Variants in ADGRL3 observed in about 807,000 individuals in gnomAD.
The protein encoded by ADGRL3 is adhesion G protein-coupled receptor L3.
Under a neutral mutation model 153.5 loss-of-function variants are expected in ADGRL3, and 62 were observed. That is an observed-to-expected ratio of 0.40 (90% CI 0.33 to 0.50). The LOEUF (loss-of-function observed/expected upper bound fraction) is 0.50. ADGRL3 is among the 20% of genes least tolerant of loss of function. The pLI is 0.47. For missense variants in ADGRL3, 1,641 were observed against 1,859.4 expected, an observed-to-expected ratio of 0.88 and a Z score of 2.16; for synonymous variants, 710 against 672.5, an observed-to-expected ratio of 1.06 and a Z score of -0.86.
chr4:61,724,235 T>C (rs2096287983), intron 6 of ADGRL3, among the ~76,000 whole-genome samples: 1 of 152,194 alleles, frequency 6.6e-6, no homozygotes, highest in East Asian at 1.9e-4. Context: ...TGTATCAACT[T>C]TAAGTATTAC....
At chr4:61,454,454 G>A (rs1425817352) in intron 2 of ADGRL3, among the ~76,000 whole-genome samples, 1 of 152,074 alleles carries the variant, frequency 6.6e-6, no homozygotes, top group Non-Finnish European at 1.5e-5. Context: ...AAAACAATGT[G>A]AATGTATGCA....
intron 6 of ADGRL3, among the ~76,000 whole-genome samples, chr4:61,686,672 G>GAAAT (rs1277118927): frequency 6.6e-6 from 1 of 151,960 alleles, no homozygotes; most frequent in Non-Finnish European, 1.5e-5. Flanking sequence ...CATCTATTCT[G>GAAAT]AAATATATAA....
At chr4:61,445,786 A>G (rs532084551) in intron 2 of ADGRL3, among the ~76,000 whole-genome samples, 2 of 152,332 alleles carry the variant, frequency 1.3e-5, no homozygotes, top group African/African-American at 4.8e-5. Flanking sequence ...ATTTCAGTCA[A>G]TGAAAGCCCT....
intron 8 of ADGRL3, among the ~76,000 whole-genome samples, chr4:61,755,995 C>A (rs561003521): frequency 1.3e-5 from 2 of 152,218 alleles, no homozygotes; most frequent in Non-Finnish European, 2.9e-5. Context: ...GTTTTGGTAC[C>A]AGTACCATGC....
intron 9 of ADGRL3, among the ~76,000 whole-genome samples, chr4:61,820,987 G>A (rs11724143): frequency 0.089 from 13,542 of 152,140 alleles, 697 homozygotes; most frequent in Middle Eastern, 0.15. Flanking sequence ...CCTAAGCAGA[G>A]GCATATATTA....
chr4:62,026,840 G>A (rs966758002), intron 21 of ADGRL3, among the ~76,000 whole-genome samples: 2 of 151,998 alleles, frequency 1.3e-5, no homozygotes, highest in Admixed American at 6.6e-5. Context: ...TGATAACTAT[G>A]TGAGATGATG....
intron 25 of ADGRL3, among the ~76,000 whole-genome samples, chr4:62,055,516 A>G (rs1176697288): frequency 1.3e-5 from 2 of 151,868 alleles, no homozygotes; most frequent in African/African-American, 4.8e-5. Flanking sequence ...ACTTTAGAAA[A>G]AAATGATGAA....
At chr4:61,873,538 A>T (rs1443565323) in intron 9 of ADGRL3, among the ~76,000 whole-genome samples, 1 of 152,230 alleles carries the variant, frequency 6.6e-6, no homozygotes, top group African/African-American at 2.4e-5. Context: ...AATTGAAAAA[A>T]GCATAATCTG....
intron 7 of ADGRL3, among the ~76,000 whole-genome samples, chr4:61,731,655 C>T (rs898310089): frequency 3.3e-5 from 5 of 152,056 alleles, no homozygotes; most frequent in Non-Finnish European, 5.9e-5. Context: ...TGGAGATTCA[C>T]GAATGTACTT....
intron 8 of ADGRL3, among the ~76,000 whole-genome samples, chr4:61,750,704 G>A (rs1580622526): frequency 1.3e-5 from 2 of 151,126 alleles, no homozygotes; most frequent in Non-Finnish European, 1.5e-5. Context: ...GCAGGAGAAT[G>A]GCGTGAACCC....
intron 9 of ADGRL3, among the ~76,000 whole-genome samples, chr4:61,843,990 C>T (rs547795239): frequency 6.7e-6 from 1 of 149,156 alleles, no homozygotes; most frequent in African/African-American, 2.5e-5. Context: ...CATTGCACTC[C>T]AGCCTGGTGA....
At chr4:61,498,312 A>T (rs1031735222) in intron 3 of ADGRL3, among the ~76,000 whole-genome samples, 83 of 152,138 alleles carry the variant, frequency 5.5e-4, no homozygotes, top group African/African-American at 1.9e-3. Flanking sequence ...GCACTTTAGG[A>T]GGCCGAGTTG....
intron 9 of ADGRL3, among the ~76,000 whole-genome samples, chr4:61,827,364 G>A (rs1275037502): frequency 6.6e-6 from 1 of 152,164 alleles, no homozygotes; most frequent in Admixed American, 6.5e-5. Context: ...ACTCAGTAGG[G>A]CTTCAGTGTG....
At chr4:62,016,461 C>A in intron 21 of ADGRL3, among the ~76,000 whole-genome samples, 1 of 152,306 alleles carries the variant, frequency 6.6e-6, no homozygotes, top group South Asian at 2.1e-4. Context: ...GTTTCCAACA[C>A]CATTTGCTAA....
chr4:61,409,655 C>G (rs1235906110), intron 2 of ADGRL3, among the ~76,000 whole-genome samples: 1 of 151,318 alleles, frequency 6.6e-6, no homozygotes, highest in Non-Finnish European at 1.5e-5. Flanking sequence ...ATTTTTCACT[C>G]TGTTTTAGCA....
At chr4:61,974,037 G>A (rs779717019) in intron 17 of ADGRL3, among the ~76,000 whole-genome samples, 24 of 151,926 alleles carry the variant, frequency 1.6e-4, no homozygotes, top group Non-Finnish European at 3.1e-4. Flanking sequence ...GCGTGGTCTC[G>A]GCTCACTGCA....
At chr4:61,761,519 A>T (rs938069259) in intron 8 of ADGRL3, among the ~76,000 whole-genome samples, 2 of 152,316 alleles carry the variant, frequency 1.3e-5, no homozygotes, top group Non-Finnish European at 2.9e-5. Context: ...GAGGCCAGGC[A>T]TGGGTGGCTC....
chr4:61,322,976 C>T (rs1162395628), intron 1 of ADGRL3, among the ~76,000 whole-genome samples: 1 of 152,230 alleles, frequency 6.6e-6, no homozygotes, highest in Non-Finnish European at 1.5e-5. Context: ...CCTGCCCCTA[C>T]AGCAAACTTC....
chr4:61,498,009 G>C (rs1244047302), intron 3 of ADGRL3, among the ~76,000 whole-genome samples: 1 of 151,544 alleles, frequency 6.6e-6, no homozygotes, highest in African/African-American at 2.4e-5. Flanking sequence ...GAATTTTTTG[G>C]CTTGCATAGT....
Sources: allele counts gnomAD v4.1 joint callset (sites outside exome capture counted in the v4.1 genomes callset), GRCh38; gene constraint gnomAD v4.1.1; transcripts MANE v1.5; gene names NCBI Gene and HGNC (gene_info 2026-07-23, HGNC 2026-07-21).